RAI14: variants seen among roughly 807,000 people sequenced by gnomAD.
RAI14 encodes ankycorbin.
In RAI14, 45 loss-of-function variants were observed where a neutral mutation model predicts 115.4. The observed-to-expected ratio is 0.39, with a 90% confidence interval of 0.31 to 0.50. The LOEUF is 0.50. RAI14 is among the 20% of genes least tolerant of loss of function. RAI14 has a pLI of 0.85. For synonymous variants in RAI14, 371 were observed against 415.4 expected (o/e 0.89, Z 1.30); for missense variants, 939 against 1,131.2 (o/e 0.83, Z 2.44).
At chr5:34,814,694 T>C (rs1755992882) in intron 12 of RAI14, 25 bp downstream of exon 12, 1 of 1,530,590 alleles carries the variant, frequency 6.5e-7, no homozygotes, top group Admixed American at 1.7e-5. Flanking sequence ...TATTCAGTTT[T>C]GTTACTGTAT....
At chr5:34,687,570 A>C (rs913049586) in intron 2 of RAI14, 1 of 1,445,534 alleles carries the variant, frequency 6.9e-7, no homozygotes, top group Non-Finnish European at 9.1e-7. Context: ...GGAGAAAAAC[A>C]TAGCAGAGGG....
At chr5:34,682,197 G>A (rs749097396) in intron 1 of RAI14, among the ~76,000 whole-genome samples, 1 of 151,854 alleles carries the variant, frequency 6.6e-6, no homozygotes, top group Non-Finnish European at 1.5e-5. Context: ...GAATGTAATA[G>A]AGATTATTAA....
chr5:34,765,559 C>T (rs908414502), intron 3 of RAI14, among the ~76,000 whole-genome samples: 1 of 152,168 alleles, frequency 6.6e-6, no homozygotes, highest in Non-Finnish European at 1.5e-5. Flanking sequence ...TTTAGGGTAT[C>T]TGGCAGAATA....
chr5:34,681,484 C>T lies in RAI14; in HGVS notation c.-48-5388C>T, dbSNP rs557331655. ...ATTCTGTAGATGTATTCCTATATTCCGTGATGGAATATTATTATTATTTTT... is the reference window on the plus strand; with the variant it reads ...ATTCTGTAGATGTATTCCTATATTCTGTGATGGAATATTATTATTATTTTT... On this transcript the variant is annotated intron_variant, in intron 1 of 17. Coordinates refer to ENST00000265109, the MANE Select transcript of RAI14 (RefSeq NM_015577.3). Among the ~76,000 whole-genome samples, 6 of 152,024 alleles carry T rather than the reference C, an allele frequency of 3.9e-5. No homozygotes were observed. The South Asian group carries it at 8.3e-4, about 21-fold the overall frequency.
intron 1 of RAI14, among the ~76,000 whole-genome samples, chr5:34,666,509 C>A (rs961728182): frequency 2.0e-5 from 3 of 152,210 alleles, no homozygotes; most frequent in Non-Finnish European, 4.4e-5. Flanking sequence ...AGTTGAGGAA[C>A]TGACCCTCAG....
chr5:34,824,256 C>T lies in RAI14; in HGVS notation c.2414C>T (p.Ser805Leu), dbSNP rs576334657. Residue 805 changes from serine to leucine, a missense_variant, in exon 15 of 18, where the codon TCG (serine) becomes TTG (leucine). Transcript: ENST00000265109. The stretch of plus-strand genomic sequence containing the variant: ...GAGAGTGAAGTGAGTGTGTTGGCAT[C>T]GAAATTAAAGGAATCTGTGAAAGAG... ...SLESEVSVLASKLKESVKEKE... is the reference protein window; with the variant it reads ...SLESEVSVLALKLKESVKEKE... 9.9e-6 allele frequency: 16 copies of T among 1,613,942 alleles called. No individual in the cohort carries two copies. The highest frequency in any genetic ancestry group is 3.3e-5 in the Admixed American group (2 of 60,012).
At chr5:34,763,611 G>A (rs556440349) in intron 3 of RAI14, among the ~76,000 whole-genome samples, 7 of 152,230 alleles carry the variant, frequency 4.6e-5, no homozygotes, top group South Asian at 4.1e-4. Flanking sequence ...ACACCTAGTC[G>A]GAAAGACAAG....
chr5:34,687,061 A>G (rs973787727), intron 2 of RAI14, 106 bp downstream of exon 2: 9 of 1,221,996 alleles, frequency 7.4e-6, no homozygotes, highest in Non-Finnish European at 1.1e-5. Flanking sequence ...TAAACTACAG[A>G]CACTCAAGTG....
At chr5:34,708,330 G>A (rs1740977237) in intron 2 of RAI14, among the ~76,000 whole-genome samples, 1 of 152,018 alleles carries the variant, frequency 6.6e-6, no homozygotes, top group Non-Finnish European at 1.5e-5. Context: ...AGCCTCCCGA[G>A]TAGCTGGGAT....
chr5:34,822,144 T>C (rs1269805094), intron 14 of RAI14, among the ~76,000 whole-genome samples: 1 of 148,044 alleles, frequency 6.8e-6, no homozygotes, highest in Non-Finnish European at 1.5e-5. Flanking sequence ...AAAAATTCTA[T>C]ATAAAATATA....
chr5:34,688,322 CT>C, intron 2 of RAI14: 1 of 1,386,822 alleles, frequency 7.2e-7, no homozygotes, highest in Non-Finnish European at 9.9e-7. Flanking sequence ...TAACAAATGT[CT>C]TTTTCTATTC....
intron 15 of RAI14, among the ~76,000 whole-genome samples, chr5:34,825,245 A>AG (rs1757320424): frequency 6.6e-6 from 1 of 152,228 alleles, no homozygotes; most frequent in Non-Finnish European, 1.5e-5. Context: ...ACTGCATTCT[A>AG]GCCTGGGCAA....
intron 2 of RAI14, among the ~76,000 whole-genome samples, chr5:34,714,188 G>A (rs1263896802): frequency 1.3e-5 from 2 of 152,150 alleles, no homozygotes; most frequent in Non-Finnish European, 2.9e-5. Context: ...AAATTTCTAA[G>A]TGTCAACTTA....
chr5:34,756,112 C>G (rs1357715358), intron 2 of RAI14, among the ~76,000 whole-genome samples: 1 of 152,170 alleles, frequency 6.6e-6, no homozygotes, highest in Non-Finnish European at 1.5e-5. Context: ...CTGAACACAT[C>G]TCTTTTATCC....
At chr5:34,710,785 G>A (rs1012815324) in intron 2 of RAI14, among the ~76,000 whole-genome samples, 1 of 150,934 alleles carries the variant, frequency 6.6e-6, no homozygotes, top group South Asian at 2.1e-4. Context: ...CAGAAACATT[G>A]GACTAAGTGA....
intron 3 of RAI14, among the ~76,000 whole-genome samples, chr5:34,779,579 A>G (rs1246501262): frequency 6.6e-6 from 1 of 152,212 alleles, no homozygotes. Context: ...TATACCAATA[A>G]CAGACAGAGA....
At chr5:34,752,708 T>G (rs2150076848) in intron 2 of RAI14, among the ~76,000 whole-genome samples, 1 of 46,354 alleles carries the variant, frequency 2.2e-5, no homozygotes. Context: ...CATATATGTG[T>G]GTGTGTGTGT....
intron 4 of RAI14, among the ~76,000 whole-genome samples, chr5:34,797,387 G>A (rs1021551641): frequency 2.0e-5 from 3 of 151,606 alleles, no homozygotes; most frequent in Admixed American, 2.0e-4. Flanking sequence ...CATTGTGTGA[G>A]GACTTAAAAA....
At chr5:34,684,869 C>G (rs1334789652) in intron 1 of RAI14, 1 of 152,234 alleles carries the variant, frequency 6.6e-6, no homozygotes, top group African/African-American at 2.4e-5. Flanking sequence ...AAACGTGTGC[C>G]TGCTATTCCT....
Sources: allele counts gnomAD v4.1 joint callset (sites outside exome capture counted in the v4.1 genomes callset), GRCh38; gene constraint gnomAD v4.1.1; transcripts MANE v1.5; gene names NCBI Gene and HGNC (gene_info 2026-07-23, HGNC 2026-07-21).